The following ABCG1 variants were observed in gnomAD, a reference collection of about 807,000 sequenced individuals.
ABCG1 encodes the protein ATP binding cassette subfamily G member 1, also known as ATP-binding cassette sub-family G member 1.
A neutral mutation model predicts 69.2 loss-of-function variants in ABCG1; 29 were observed. The observed-to-expected ratio is 0.42, with a 90% confidence interval of 0.31 to 0.57. ABCG1 has a LOEUF of 0.57. ABCG1 is among the 20% of genes least tolerant of loss of function. The pLI is 0.15. For missense variants in ABCG1, 718 were observed against 898.1 expected (o/e 0.80, Z 2.56); for synonymous variants, 370 against 374.8 (o/e 0.99, Z 0.15).
Position 42,291,611 on chromosome 21 carries a change from A to T in ABCG1, c.1608A>T (p.Ala536=). 1 of 1,609,478 alleles carries T rather than the reference A, an allele frequency of 6.2e-7. No homozygotes were observed. The highest frequency in any genetic ancestry group is 8.5e-7 in the Non-Finnish European group (1 of 1,179,826). ...TGGGCACCATGACCTCCCTGGTGGC[A>T]CAGTCCCTGGGCCTGCTGATCGGAG... ...AALGTMTSLV[A]QSLGLLIGAA... is the part of the protein sequence containing the mutation. Residue 536 remains alanine (A), a synonymous_variant, in exon 13 of 15, where the codon GCA becomes GCT. Coordinates refer to ENST00000398449, the MANE Select transcript of ABCG1 (RefSeq NM_016818.3). The surrounding 1 kb of genome is among the most constrained non-coding windows in gnomAD (Gnocchi z 6.4).
upstream of ABCG1, among the ~76,000 whole-genome samples, chr21:42,212,297 G>A (rs1038604437): frequency 6.6e-6 from 1 of 152,194 alleles, no homozygotes; most frequent in Non-Finnish European, 1.5e-5. Context: ...GGCAGAGGCT[G>A]GAAGAGTTTA....
chr21:42,229,164 T>C (rs1423144135), intron 2 of ABCG1, among the ~76,000 whole-genome samples: 1 of 152,228 alleles, frequency 6.6e-6, no homozygotes, highest in Admixed American at 6.5e-5. Context: ...CCAGCCTCAC[T>C]CTGCATTTCT....
chr21:42,229,726 A>C (rs1463558826), intron 2 of ABCG1, among the ~76,000 whole-genome samples: 1 of 152,058 alleles, frequency 6.6e-6, no homozygotes, highest in Non-Finnish European at 1.5e-5. Flanking sequence ...TCTCAAAAAA[A>C]AAACACAAAA....
intron 2 of ABCG1, chr21:42,259,557 A>G: frequency 1.3e-6 from 2 of 1,504,284 alleles, no homozygotes; most frequent in African/African-American, 1.4e-5. Flanking sequence ...CCCTCAGGCT[A>G]TGGAGGCAAA....
upstream of ABCG1, among the ~76,000 whole-genome samples, chr21:42,214,554 G>A (rs779975832): frequency 1.3e-5 from 2 of 152,214 alleles, no homozygotes; most frequent in South Asian, 2.1e-4. Flanking sequence ...ACAGGGATGC[G>A]TCTCGAGCAT....
chr21:42,252,104 G>A (rs117759739), intron 2 of ABCG1, among the ~76,000 whole-genome samples: 5,782 of 152,256 alleles, frequency 0.038, 157 homozygotes, highest in Non-Finnish European at 0.057. Context: ...GGCCATGCAC[G>A]GGGGCAAGGG....
chr21:42,259,993 G>T, intron 2 of ABCG1: 1 of 1,534,964 alleles, frequency 6.5e-7, no homozygotes, highest in Non-Finnish European at 8.8e-7. Flanking sequence ...CTTCAGGCCA[G>T]TGCGGCATCC....
At position 42,286,002 on chromosome 21, in the gene ABCG1, G is replaced by A. The variant is rs1421674010; in HGVS notation, c.973+8G>A. On this transcript the variant is annotated splice_region_variant and intron_variant, in intron 8 of 14. Transcript: ENST00000398449. ...ACAACCCAGCAGATTTTGGTAAGCGGAGTCCTGAGCAGCTCGGGGGACAGA... is the reference window on the plus strand; with the variant it reads ...ACAACCCAGCAGATTTTGGTAAGCGAAGTCCTGAGCAGCTCGGGGGACAGA... The A allele has an allele frequency of 3.8e-6, 6 of 1,593,988 alleles. No individual in the cohort carries two copies. The highest frequency in any genetic ancestry group is 5.2e-6 in the Non-Finnish European group (6 of 1,161,834).
At position 42,263,569 on chromosome 21, in the gene ABCG1, T is replaced by C. The variant is rs117555989; in HGVS notation, c.287-7501T>C. On this transcript the variant is annotated intron_variant, in intron 2 of 14. Transcript: ENST00000398449. ...GTGTTTTCTACACCTCAGCGACATTTACAGCAAAATGTAATTACTCAGAAG... is the reference window on the plus strand; with the variant it reads ...GTGTTTTCTACACCTCAGCGACATTCACAGCAAAATGTAATTACTCAGAAG... Among the ~76,000 whole-genome samples, 1,409 of 152,310 alleles carry C rather than the reference T, an allele frequency of 9.3e-3. 13 individuals are homozygous for C. The highest frequency in any genetic ancestry group is 0.024 in the Middle Eastern group (7 of 294).
chr21:42,291,760 C>T lies in ABCG1; in HGVS notation c.1653+104C>T. The T allele has an allele frequency of 7.5e-7, 1 of 1,338,750 alleles. No homozygotes were observed. Among genetic ancestry groups the T allele is most frequent in the Non-Finnish European group, 9.9e-7 (1 of 1,006,174 alleles). 82.9% of individuals were successfully genotyped at this position (1,338,750 alleles called of 1,614,324 possible). On this transcript the variant is annotated intron_variant, in intron 13 of 14. Coordinates refer to ENST00000398449, the MANE Select transcript of ABCG1 (RefSeq NM_016818.3). This position sits in a 1 kb window ranked among gnomAD's most constrained non-coding sequence, Gnocchi z 6.4. ...TGCCACCCCTTCCCCTACTTCTGCC[C>T]TGACCCTCCTAGATGGGGTCGTTCC...
chr21:42,294,441 G>A (rs2069163513), intron 13 of ABCG1, 101 bp from the exon 14 acceptor site: 1 of 870,148 alleles, frequency 1.1e-6, no homozygotes, highest in Non-Finnish European at 2.0e-6. Context: ...CCCAGAAGGT[G>A]CCCTGGCCCT....
chr21:42,284,741 T>A, intron 7 of ABCG1, 58 bp downstream of exon 7: 1 of 1,576,598 alleles, frequency 6.3e-7, no homozygotes, highest in East Asian at 2.2e-5. Flanking sequence ...TCAGCCTGAA[T>A]GACACCAAAC....
intron 2 of ABCG1, among the ~76,000 whole-genome samples, chr21:42,250,152 G>A (rs1484374982): frequency 1.3e-5 from 2 of 152,066 alleles, no homozygotes; most frequent in Non-Finnish European, 2.9e-5. Context: ...AAACCACTGA[G>A]GACTCTTGGG....
intron 2 of ABCG1, among the ~76,000 whole-genome samples, chr21:42,208,089 A>G (rs181346880): frequency 6.6e-6 from 1 of 152,212 alleles, no homozygotes; most frequent in Admixed American, 6.5e-5. Context: ...CTTTGCTGGC[A>G]TGGGCAGACA....
At chr21:42,294,828 A>C (rs1601465079) in intron 14 of ABCG1, 168 bp downstream of exon 14, 1 of 619,306 alleles carries the variant, frequency 1.6e-6, no homozygotes, top group Non-Finnish European at 2.9e-6. Context: ...ACCTCCTCCT[A>C]CCCTCACCAA....
intron 2 of ABCG1, among the ~76,000 whole-genome samples, chr21:42,239,219 G>A (rs1302166574): frequency 6.6e-6 from 1 of 152,116 alleles, no homozygotes; most frequent in Non-Finnish European, 1.5e-5. Flanking sequence ...AGGGCAACTG[G>A]GTGACTTACC....
chr21:42,228,411 G>C (rs1000448874), intron 2 of ABCG1, among the ~76,000 whole-genome samples: 4 of 152,166 alleles, frequency 2.6e-5, no homozygotes, highest in African/African-American at 9.7e-5. Context: ...AGCAGCACCT[G>C]CGTCTGTCTT....
At chr21:42,251,587 G>T (rs774815001) in intron 2 of ABCG1, among the ~76,000 whole-genome samples, 2 of 152,046 alleles carry the variant, frequency 1.3e-5, no homozygotes, top group Admixed American at 6.5e-5. Context: ...AGCGGCCAAC[G>T]CATGTTTGGG....
Position 42,219,838 on chromosome 21 carries a change from C to T in ABCG1, c.42+534C>T. The T allele has an allele frequency of 2.0e-6, 3 of 1,495,404 alleles. No individual in the cohort carries two copies. The South Asian group carries it at 3.9e-5, about 19-fold the overall frequency. 92.6% of individuals were successfully genotyped at this position (1,495,404 alleles called of 1,614,324 possible). ...AGAGCCGGAGCCTGCGACTGCACTC[C>T]CGGGGACACCCTCTCCCGGACCCAC... On this transcript the variant is annotated intron_variant, in intron 1 of 14. Transcript: ENST00000398449. This position sits in a 1 kb window ranked among gnomAD's most constrained non-coding sequence, Gnocchi z 5.3.
Sources: allele counts gnomAD v4.1 joint callset (sites outside exome capture counted in the v4.1 genomes callset), GRCh38; gene constraint gnomAD v4.1.1; non-coding constraint Gnocchi (gnomAD v3.1); transcripts MANE v1.5; gene names NCBI Gene and HGNC (gene_info 2026-07-23, HGNC 2026-07-21).